Variants in RAD51B observed in about 807,000 individuals in gnomAD.
RAD51B encodes RAD51 paralog B.
In RAD51B, 38 loss-of-function variants were observed where a neutral mutation model predicts 42.2. The ratio of observed to expected loss-of-function variants is 0.90; its 90% confidence interval spans 0.70 to 1.18. The LOEUF is 1.18. Ranked by LOEUF, RAD51B falls within the 50% of genes most tolerant of loss-of-function variation. The probability of loss-of-function intolerance (pLI) is 0.00; values close to 1 mark genes in which losing one functional copy is unlikely to be tolerated. For synonymous variants in RAD51B, 154 were observed against 145.2 expected (o/e 1.06, Z -0.43); for missense variants, 373 against 400.7 (o/e 0.93, Z 0.59).
chr14:68,670,144 T>C (rs1336597143), intron 11 of RAD51B, among the ~76,000 whole-genome samples: 2 of 152,194 alleles, frequency 1.3e-5, no homozygotes, highest in African/African-American at 4.8e-5. Flanking sequence ...ACTATGTTAT[T>C]GTAACTTCCA....
chr14:68,505,969 C>A (rs2140305660), intron 10 of RAD51B, among the ~76,000 whole-genome samples: 1 of 152,246 alleles, frequency 6.6e-6, no homozygotes, highest in South Asian at 2.1e-4. Flanking sequence ...TCTTTATATA[C>A]CAGCTTTTCT....
rs145905242 is a variant in RAD51B, at chr14:67,943,404, G to A, written c.756+56200G>A. On this transcript the variant is annotated intron_variant, in intron 7 of 10. Coordinates refer to ENST00000471583, the MANE Select transcript of RAD51B (RefSeq NM_133510.4). ...TGAATTAACTGGAGATTTCCCTAATGTGTTGAATTTTTCTGACTAAAGCCT... is the reference window on the plus strand; with the variant it reads ...TGAATTAACTGGAGATTTCCCTAATATGTTGAATTTTTCTGACTAAAGCCT... 1.6e-3 allele frequency among the ~76,000 whole-genome samples: 244 copies of A among 152,258 alleles called. 1 individual carries two copies. Among genetic ancestry groups the A allele is most frequent in the Middle Eastern group, 3.4e-3 (1 of 294 alleles).
At chr14:68,649,835 G>A (rs1232750947) in intron 10 of RAD51B, among the ~76,000 whole-genome samples, 1 of 152,168 alleles carries the variant, frequency 6.6e-6, no homozygotes, top group African/African-American at 2.4e-5. Flanking sequence ...ACTGATATGA[G>A]CACAAAATCA....
chr14:68,428,734 T>C (rs1214473688), intron 9 of RAD51B, among the ~76,000 whole-genome samples: 3 of 27,866 alleles, frequency 1.1e-4, no homozygotes, highest in Non-Finnish European at 2.2e-4. Context: ...TATATATATA[T>C]ATATATATAT....
intron 9 of RAD51B, among the ~76,000 whole-genome samples, chr14:68,435,485 GTTTTTGGT>G (rs998260092): frequency 3.7e-5 from 5 of 133,634 alleles, no homozygotes; most frequent in African/African-American, 1.4e-4. Context: ...AGTACATGTG[GTTTTTGGT>G]TTTTTTTTTT....
chr14:68,072,903 G>A (rs140813924), intron 7 of RAD51B, among the ~76,000 whole-genome samples: 2 of 152,134 alleles, frequency 1.3e-5, no homozygotes, highest in Non-Finnish European at 2.9e-5. Context: ...AATGTGGTTG[G>A]TATAATTTCG....
chr14:67,833,501 G>T (rs2041127823), intron 3 of RAD51B, among the ~76,000 whole-genome samples: 1 of 152,152 alleles, frequency 6.6e-6, no homozygotes, highest in African/African-American at 2.4e-5. Context: ...AATTTGGATA[G>T]TACTAAACTC....
intron 9 of RAD51B, among the ~76,000 whole-genome samples, chr14:68,452,820 A>G (rs2140190773): frequency 6.6e-6 from 1 of 152,292 alleles, no homozygotes; most frequent in Non-Finnish European, 1.5e-5. Flanking sequence ...TTCATTTTAG[A>G]GATGAGGAAA....
intron 7 of RAD51B, among the ~76,000 whole-genome samples, chr14:67,998,465 A>G (rs2075424064): frequency 6.6e-6 from 1 of 152,230 alleles, no homozygotes. Flanking sequence ...TTGGTGATTG[A>G]GAATTACTAC....
chr14:68,563,251 T>G (rs1360996243), intron 10 of RAD51B: 2 of 985,250 alleles, frequency 2.0e-6, no homozygotes, highest in East Asian at 1.1e-4. Context: ...CCTGCAGAGT[T>G]CAATGAAAAG....
intron 10 of RAD51B, among the ~76,000 whole-genome samples, chr14:68,576,479 T>C (rs1298627394): frequency 1.3e-5 from 2 of 152,194 alleles, no homozygotes; most frequent in Non-Finnish European, 2.9e-5. Context: ...GCATAAAGCT[T>C]AAAACCCTTG....
In RAD51B at chr14:68,067,464, G is replaced by A. The variant is rs2076669839; in HGVS notation, c.756+180260G>A. Among the ~76,000 whole-genome samples, 6 of 114,414 alleles carry A rather than the reference G, an allele frequency of 5.2e-5. No homozygotes were observed. In the South Asian group the frequency reaches 8.4e-4, roughly 16 times the overall value. The allele number at this position is 114,414 out of a possible 152,430, so 75.1% of individuals were successfully genotyped here. On this transcript the variant is annotated intron_variant, in intron 7 of 10. Transcript: ENST00000471583. ...GGGCAACAGAGCAAGACTCCATCTCGGAAAAAAAAAAACAAAAAAAAAAAA... is the reference window on the plus strand; with the variant it reads ...GGGCAACAGAGCAAGACTCCATCTCAGAAAAAAAAAAACAAAAAAAAAAAA...
intron 7 of RAD51B, among the ~76,000 whole-genome samples, chr14:68,225,220 A>G (rs1365413842): frequency 1.3e-5 from 2 of 152,190 alleles, no homozygotes; most frequent in African/African-American, 4.8e-5. Flanking sequence ...CCACTGAATT[A>G]TTTGCACTAA....
chr14:68,135,994 G>T (rs569820565), intron 7 of RAD51B, among the ~76,000 whole-genome samples: 1 of 151,934 alleles, frequency 6.6e-6, no homozygotes, highest in East Asian at 1.9e-4. Flanking sequence ...AAAAATCTTG[G>T]TCCTTATATT....
At chr14:68,185,468 A>C (rs1258361391) in intron 7 of RAD51B, among the ~76,000 whole-genome samples, 1 of 152,242 alleles carries the variant, frequency 6.6e-6, no homozygotes, top group Non-Finnish European at 1.5e-5. Context: ...CTGCTACTAC[A>C]GACTGATAGC....
chr14:68,416,075 A>G (rs1469190349), intron 9 of RAD51B, among the ~76,000 whole-genome samples: 1 of 152,180 alleles, frequency 6.6e-6, no homozygotes, highest in Non-Finnish European at 1.5e-5. Context: ...AGCCTGAAGT[A>G]CCTAGTAAAT....
At chr14:68,090,887 T>G in intron 7 of RAD51B, among the ~76,000 whole-genome samples, 1 of 121,368 alleles carries the variant, frequency 8.2e-6, no homozygotes, top group Non-Finnish European at 1.6e-5. Flanking sequence ...GAGTGTGATG[T>G]TCCCCTTCCT....
In RAD51B at chr14:68,618,815, G is replaced by T. The variant is rs575630128; in HGVS notation, c.1037-31966G>T. Among the ~76,000 whole-genome samples the T allele has an allele frequency of 3.9e-5, 6 of 152,254 alleles. No individual in the cohort carries two copies. The South Asian group carries it at 1.2e-3, about 32-fold the overall frequency. The stretch of plus-strand genomic sequence containing the variant: ...GAGGCTGTACCATAACAGCAGACCT[G>T]AGGAAAGAAGTGCCCCCTCCACCTT... On this transcript the variant is annotated intron_variant, in intron 10 of 11. Transcript: ENST00000488612.
At chr14:68,109,218 C>T (rs1437270990) in intron 7 of RAD51B, among the ~76,000 whole-genome samples, 2 of 151,840 alleles carry the variant, frequency 1.3e-5, no homozygotes, top group South Asian at 2.1e-4. Flanking sequence ...TTGAAGTGCT[C>T]CCTGGCCAGA....
Sources: allele counts gnomAD v4.1 joint callset (sites outside exome capture counted in the v4.1 genomes callset), GRCh38; gene constraint gnomAD v4.1.1; transcripts MANE v1.5; gene names NCBI Gene and HGNC (gene_info 2026-07-23, HGNC 2026-07-21).